The following SHISA9 variants were observed in gnomAD, a reference collection of about 807,000 sequenced individuals.
SHISA9 encodes the protein shisa family member 9.
In SHISA9, 13 loss-of-function variants were observed where a neutral mutation model predicts 38.0. That is an observed-to-expected ratio of 0.34 (90% CI 0.22 to 0.54). The LOEUF (loss-of-function observed/expected upper bound fraction) is 0.54. Ranked by LOEUF, SHISA9 falls within the 20% of genes least tolerant of loss-of-function variation. The probability of loss-of-function intolerance (pLI) is 0.91; values close to 1 mark genes in which losing one functional copy is unlikely to be tolerated. For synonymous variants in SHISA9, 275 were observed against 242.0 expected (o/e 1.14, Z -1.27); for missense variants, 538 against 575.8 (o/e 0.93, Z 0.67).
At chr16:13,149,349 C>T (rs544669794) in intron 2 of SHISA9, among the ~76,000 whole-genome samples, 3 of 152,222 alleles carry the variant, frequency 2.0e-5, no homozygotes, top group South Asian at 2.1e-4. Flanking sequence ...GAGAGGCTAT[C>T]GTTCAATGCC....
rs1410821057 is a variant in SHISA9, at chr16:13,235,306, C to G, written c.1172C>G (p.Thr391Arg). ...QAYSNKGKLG[T>R]AETGSSDPLG... ...TACAGCAACAAGGGCAAGCTTGGCA[C>G]GGCCGAGACAGGCTCCAGCGACCCC... is the stretch of plus-strand genomic sequence containing the variant. The change falls in exon 5 of 5, where the codon ACG becomes AGG. Residue 391 changes from threonine to arginine, a missense_variant. Thr to Arg is a moderately conservative substitution (Grantham distance 71). Around this residue, in one of 4 missense-constraint regions of SHISA9, gnomAD observed 326 missense variants for 305.9 expected, o/e 1.07. Coordinates refer to ENST00000558583, the MANE Select transcript of SHISA9 (RefSeq NM_001145204.3). The G allele has an allele frequency of 1.9e-6, 3 of 1,550,508 alleles. No individual in the cohort carries two copies. The highest frequency in any genetic ancestry group is 2.6e-6 in the Non-Finnish European group (3 of 1,147,010).
chr16:13,091,582 T>TGATCGA (rs2073775541), intron 2 of SHISA9, among the ~76,000 whole-genome samples: 1 of 152,356 alleles, frequency 6.6e-6, no homozygotes, highest in African/African-American at 2.4e-5. Context: ...TTCTTCCACT[T>TGATCGA]GATCGAATCA....
At chr16:13,221,135 A>G (rs2051220750) in intron 4 of SHISA9, among the ~76,000 whole-genome samples, 2 of 152,150 alleles carry the variant, frequency 1.3e-5, no homozygotes, top group African/African-American at 4.8e-5. Context: ...TTTCTCTCTT[A>G]GAGCAATATG....
chr16:13,384,880 A>G, the SHISA9 span, among the ~76,000 whole-genome samples: 2 of 152,222 alleles, frequency 1.3e-5, no homozygotes, highest in African/African-American at 4.8e-5. Flanking sequence ...AAGAGGATGC[A>G]AAGACCAGCT....
intron 2 of SHISA9, among the ~76,000 whole-genome samples, chr16:13,137,202 G>A (rs772754064): frequency 6.6e-6 from 1 of 152,146 alleles, no homozygotes; most frequent in Non-Finnish European, 1.5e-5. Context: ...AAATATATTT[G>A]TTGGCTCTGA....
chr16:13,046,227 T>C (rs1260446730), intron 2 of SHISA9, among the ~76,000 whole-genome samples: 1 of 152,192 alleles, frequency 6.6e-6, no homozygotes, highest in Non-Finnish European at 1.5e-5. Flanking sequence ...ATAGTTGTAT[T>C]TGAGCCAGAA....
chr16:13,433,087 A>G, the SHISA9 span, among the ~76,000 whole-genome samples: 1 of 146,086 alleles, frequency 6.8e-6, no homozygotes, highest in Non-Finnish European at 1.5e-5. Flanking sequence ...AAAAAATGCT[A>G]TATTAAAGCT....
intron 2 of SHISA9, among the ~76,000 whole-genome samples, chr16:13,006,914 T>A (rs1434076544): frequency 6.6e-6 from 1 of 152,212 alleles, no homozygotes; most frequent in Non-Finnish European, 1.5e-5. Context: ...CTCAGGCTAC[T>A]TCTCTCCAGC....
At chr16:13,460,863 A>G in the SHISA9 span, among the ~76,000 whole-genome samples, 1 of 152,176 alleles carries the variant, frequency 6.6e-6, no homozygotes, top group Non-Finnish European at 1.5e-5. Flanking sequence ...CCCCACATTC[A>G]GAGAAACTGG....
At chr16:13,274,532 T>G in the SHISA9 span, among the ~76,000 whole-genome samples, 1 of 152,182 alleles carries the variant, frequency 6.6e-6, no homozygotes, top group Admixed American at 6.6e-5. Context: ...AAGTTTTAAT[T>G]AATTATTCCA....
intron 4 of SHISA9, among the ~76,000 whole-genome samples, chr16:13,228,751 A>G (rs924076851): frequency 6.6e-6 from 1 of 152,164 alleles, no homozygotes; most frequent in African/African-American, 2.4e-5. Context: ...TTTGTTACAT[A>G]GGTAAACTTG....
chr16:13,252,942 C>T, the SHISA9 span, among the ~76,000 whole-genome samples: 5 of 152,158 alleles, frequency 3.3e-5, no homozygotes. Flanking sequence ...CCTGTACCAC[C>T]CCTGAAATAG....
chr16:13,270,229 G>A, the SHISA9 span, among the ~76,000 whole-genome samples: 1 of 152,152 alleles, frequency 6.6e-6, no homozygotes, highest in Non-Finnish European at 1.5e-5. Flanking sequence ...GCTGAGACAA[G>A]GAGTAGGACT....
chr16:13,371,752 G>C, the SHISA9 span, among the ~76,000 whole-genome samples: 1 of 152,178 alleles, frequency 6.6e-6, no homozygotes, highest in South Asian at 2.1e-4. Flanking sequence ...AGCTCAACGG[G>C]GAGATGTACA....
chr16:13,329,198 A>G, the SHISA9 span, among the ~76,000 whole-genome samples: 31 of 152,192 alleles, frequency 2.0e-4, no homozygotes, highest in African/African-American at 7.5e-4. Flanking sequence ...CAGCCTCCTC[A>G]AGCCTGCCTG....
intron 2 of SHISA9, among the ~76,000 whole-genome samples, chr16:13,034,278 G>A (rs2073027198): frequency 6.6e-6 from 1 of 152,160 alleles, no homozygotes; most frequent in African/African-American, 2.4e-5. Flanking sequence ...AATGGCATTG[G>A]TGGGGGTAGG....
intron 4 of SHISA9, among the ~76,000 whole-genome samples, chr16:13,228,701 T>C (rs2051302737): frequency 6.6e-6 from 1 of 151,042 alleles, no homozygotes; most frequent in South Asian, 2.1e-4. Flanking sequence ...TTTGCTCATA[T>C]ATTTTTTTTA....
At chr16:13,115,475 T>C (rs979059806) in intron 2 of SHISA9, among the ~76,000 whole-genome samples, 1 of 152,254 alleles carries the variant, frequency 6.6e-6, no homozygotes, top group Admixed American at 6.5e-5. Context: ...AGATCACTAA[T>C]GCTTTTGTTT....
the SHISA9 span, among the ~76,000 whole-genome samples, chr16:13,542,981 TAGTC>T: frequency 6.6e-6 from 1 of 152,216 alleles, no homozygotes; most frequent in African/African-American, 2.4e-5. Context: ...ATTTTAACCT[TAGTC>T]TGTCTGATCC....
Sources: gnomAD v4.1 joint callset for allele counts (sites outside exome capture counted in the v4.1 genomes callset) on GRCh38, gnomAD v4.1.1 for gene constraint, gnomAD v4.1.1 regional missense constraint, MANE v1.5 for transcripts, NCBI Gene and HGNC (gene_info 2026-07-23, HGNC 2026-07-21) for gene names.